Variants in KIRREL3 observed in about 807,000 individuals in gnomAD.
KIRREL3 encodes the protein kirre like nephrin family adhesion molecule 3.
Under a neutral mutation model 89.7 loss-of-function variants are expected in KIRREL3, and 36 were observed. The ratio of observed to expected loss-of-function variants is 0.40; its 90% CI spans 0.31 to 0.53. The LOEUF (loss-of-function observed/expected upper bound fraction) is 0.53. Among genes scored for constraint, KIRREL3 ranks in the 20% least tolerant of loss-of-function variants. The probability of loss-of-function intolerance (pLI) is 0.49; values close to 1 mark genes in which losing one functional copy is unlikely to be tolerated. For missense variants in KIRREL3, 864 were observed against 1,056.6 expected (o/e 0.82, Z 2.53); for synonymous variants, 445 against 441.4 (o/e 1.01, Z -0.10).
At position 126,769,434 on chromosome 11, in the gene KIRREL3, G is replaced by A. The variant is rs1049501240; in HGVS notation, c.56-206522C>T. Among the ~76,000 whole-genome samples the A allele has an allele frequency of 6.6e-6, 1 of 152,150 alleles. No homozygotes were observed. Among genetic ancestry groups the A allele is most frequent in the Admixed American group, 6.5e-5 (1 of 15,278 alleles). Reference sequence around the variant, plus strand: ...AGTCAACATGAGACATTATTGGATAGATATTGCCATCAAGAAGAGGGGCCC... The same window carrying A: ...AGTCAACATGAGACATTATTGGATAAATATTGCCATCAAGAAGAGGGGCCC... On this transcript the variant is annotated intron_variant, in intron 1 of 16. Coordinates refer to ENST00000525144, the MANE Select transcript of KIRREL3 (RefSeq NM_032531.4). The surrounding 1 kb of genome is among the most constrained non-coding windows in gnomAD (Gnocchi z 4.3).
chr11:126,716,170 T>G (rs1947953941), intron 1 of KIRREL3, among the ~76,000 whole-genome samples: 2 of 147,908 alleles, frequency 1.4e-5, no homozygotes, highest in Non-Finnish European at 3.0e-5. Flanking sequence ...AAAGAAAGAG[T>G]AAGGTTAGAA....
At chr11:126,670,220 T>C (rs144965366) in intron 1 of KIRREL3, among the ~76,000 whole-genome samples, 36 of 152,276 alleles carry the variant, frequency 2.4e-4, no homozygotes, top group African/African-American at 4.6e-4. Context: ...GGCATAATGA[T>C]TTTAAAAAAT....
rs11600076 is a variant in KIRREL3 at position 126,522,168 on chromosome 11, T to C, written c.284-704A>G. Among the ~76,000 whole-genome samples, 41,733 of 151,928 alleles carry C rather than the reference T, an allele frequency of 0.27. 6,957 individuals carry two copies. The highest frequency in any genetic ancestry group is 0.46 in the African/African-American group (19,082 of 41,420). On this transcript the variant is annotated intron_variant, in intron 3 of 16. Transcript: ENST00000525144. The surrounding 1 kb of genome is among the most constrained non-coding windows in gnomAD (Gnocchi z 6.0). The stretch of plus-strand genomic sequence containing the variant: ...ACCGCTGGCTTATTATTCTGGAAAG[T>C]GGTGTGCTCAGCACTGTGGTCTACC...
chr11:126,856,476 T>C (rs924917153), intron 1 of KIRREL3, among the ~76,000 whole-genome samples: 1 of 151,212 alleles, frequency 6.6e-6, no homozygotes, highest in African/African-American at 2.4e-5. Context: ...AAAATTAAAA[T>C]GAAAAATAAC....
chr11:126,692,962 T>C (rs533224694), intron 1 of KIRREL3, among the ~76,000 whole-genome samples: 3 of 152,336 alleles, frequency 2.0e-5, no homozygotes, highest in African/African-American at 7.2e-5. Flanking sequence ...GCCCATAGCC[T>C]GTGGTGGAAG....
rs928850121 is a variant in KIRREL3 at position 126,485,267 on chromosome 11, G to A, written c.434-11801C>T. Among the ~76,000 whole-genome samples, 5 of 152,238 alleles carry A rather than the reference G, an allele frequency of 3.3e-5. No individual in the cohort carries two copies. The highest frequency in any genetic ancestry group is 1.2e-4 in the African/African-American group (5 of 41,458). On this transcript the variant is annotated intron_variant, in intron 4 of 16. Coordinates refer to ENST00000525144, the MANE Select transcript of KIRREL3 (RefSeq NM_032531.4). This position sits in a 1 kb window ranked among gnomAD's most constrained non-coding sequence, Gnocchi z 5.8. The stretch of plus-strand genomic sequence containing the variant: ...ATGATGGCATGTAGCTCAGAGGAAG[G>A]TGTGCTGGAGGCTGTTTCAGTTCTG...
At chr11:126,436,717 C>T (rs887501268) in intron 12 of KIRREL3, 94 bp downstream of exon 12, 6 of 1,365,070 alleles carry the variant, frequency 4.4e-6, no homozygotes, top group Middle Eastern at 2.5e-4. Flanking sequence ...TGGGCCCTGG[C>T]CCACCTTGCA....
In KIRREL3 at chr11:126,613,933, C is replaced by A. The variant is rs569038418; in HGVS notation, c.56-51021G>T. 4.7e-5 allele frequency among the ~76,000 whole-genome samples: 6 copies of A among 127,542 alleles called. No homozygotes were observed. The East Asian group carries it at 1.0e-3, about 22-fold the overall frequency. 83.7% of individuals were successfully genotyped at this position (127,542 alleles called of 152,430 possible). The stretch of plus-strand genomic sequence containing the variant: ...AGCCTTTATCTAGCAGGGGAGTGAA[C>A]CTGAAGGTCTGATTTCTAAACAGGC... On this transcript the variant is annotated intron_variant, in intron 1 of 16. Coordinates refer to ENST00000525144, the MANE Select transcript of KIRREL3 (RefSeq NM_032531.4).
chr11:126,860,247 A>T lies in KIRREL3; in HGVS notation c.55+140208T>A, dbSNP rs1262102214. Among the ~76,000 whole-genome samples, 1 of 152,208 alleles carries T rather than the reference A, an allele frequency of 6.6e-6. No individual in the cohort carries two copies. The highest frequency in any genetic ancestry group is 1.5e-5 in the Non-Finnish European group (1 of 68,034). ...TAAAAGATAAGTTCTCCAACACCACACTGTGAGCTCCCAGAGGGTAGGAAC... is the reference window on the plus strand; with the variant it reads ...TAAAAGATAAGTTCTCCAACACCACTCTGTGAGCTCCCAGAGGGTAGGAAC... On this transcript the variant is annotated intron_variant, in intron 1 of 16. Transcript: ENST00000525144. The surrounding 1 kb of genome is among the most constrained non-coding windows in gnomAD (Gnocchi z 4.6).
At chr11:126,637,999 G>A (rs1161997419) in intron 1 of KIRREL3, among the ~76,000 whole-genome samples, 1 of 152,206 alleles carries the variant, frequency 6.6e-6, no homozygotes, top group African/African-American at 2.4e-5. Flanking sequence ...ATTGAGGAAT[G>A]GAGAGAATTT....
rs575708052 is a variant in KIRREL3, at chr11:126,504,978, C to G, written c.433+16337G>C. Among the ~76,000 whole-genome samples the G allele has an allele frequency of 2.5e-3, 382 of 152,292 alleles. 2 individuals are homozygous for G. The highest frequency in any genetic ancestry group is 4.7e-3 in the Non-Finnish European group (321 of 68,014). On this transcript the variant is annotated intron_variant, in intron 4 of 16. Transcript: ENST00000525144. ...CACGATGTGTAGTAAAAACTCTCAA[C>G]AAAGTAGGAACAGATGAAAACTTCC...
At chr11:126,448,511 G>C (rs1029956368) in intron 8 of KIRREL3, among the ~76,000 whole-genome samples, 1 of 152,144 alleles carries the variant, frequency 6.6e-6, no homozygotes, top group African/African-American at 2.4e-5. Flanking sequence ...CGTCAACCCT[G>C]CAATTCGTAA....
rs571301530 is a variant in KIRREL3 at position 126,929,073 on chromosome 11, C to T, written c.55+71382G>A. Among the ~76,000 whole-genome samples, 28 of 152,272 alleles carry T rather than the reference C, an allele frequency of 1.8e-4. No individual in the cohort carries two copies. In the South Asian group the frequency reaches 5.0e-3, roughly 27 times the overall value. ...ATACCCCTTAGGAGCTTTTCAAGGA[C>T]GTCGGCAGGGAGCTGGGTTTACAGA... is the stretch of plus-strand genomic sequence containing the variant. On this transcript the variant is annotated intron_variant, in intron 1 of 16. Transcript: ENST00000525144.
In KIRREL3 at chr11:126,686,944, T is replaced by C. The variant is rs1946687220; in HGVS notation, c.56-124032A>G. On this transcript the variant is annotated intron_variant, in intron 1 of 16. Coordinates refer to ENST00000525144, the MANE Select transcript of KIRREL3 (RefSeq NM_032531.4). This position sits in a 1 kb window ranked among gnomAD's most constrained non-coding sequence, Gnocchi z 4.7. ...TGATAAGAGGGGAAGGAAGGTCACA[T>C]TGAGAAGAGTCAAATTCAGAAGGCC... Among the ~76,000 whole-genome samples the C allele has an allele frequency of 6.6e-6, 1 of 152,124 alleles. No individual in the cohort carries two copies. Among genetic ancestry groups the C allele is most frequent in the African/African-American group, 2.4e-5 (1 of 41,424 alleles).
At chr11:126,665,507 G>C (rs1176284578) in intron 1 of KIRREL3, among the ~76,000 whole-genome samples, 1 of 152,162 alleles carries the variant, frequency 6.6e-6, no homozygotes, top group African/African-American at 2.4e-5. Flanking sequence ...ATTAGGGCAT[G>C]AGGGTGGAGC....
At position 126,821,351 on chromosome 11, in the gene KIRREL3, A is replaced by ATATATATATATATGTGTG. The variant is rs756545626; in HGVS notation, c.55+179103_55+179104insCACACATATATATATATA. Among the ~76,000 whole-genome samples, 14 of 105,270 alleles carry ATATATATATATATGTGTG rather than the reference A, an allele frequency of 1.3e-4. 1 individual carries two copies. Among genetic ancestry groups the ATATATATATATATGTGTG allele is most frequent in the Admixed American group, 1.1e-3 (12 of 10,776 alleles). 69.1% of individuals were successfully genotyped at this position (105,270 alleles called of 152,430 possible). A position where few individuals can be genotyped will look rare whatever the true frequency, so the allele number is the denominator to read the frequency against. On this transcript the variant is annotated intron_variant, in intron 1 of 16. Transcript: ENST00000525144. ...ACAGTATATATATATATATATATAT[A>ATATATATATATATGTGTG]TGTAACTTCCAACCAACATCCCTTC...
chr11:126,938,992 A>T (rs1291738978), intron 1 of KIRREL3, among the ~76,000 whole-genome samples: 1 of 152,174 alleles, frequency 6.6e-6, no homozygotes, highest in Admixed American at 6.5e-5. Flanking sequence ...CCTGCCAGGG[A>T]AAAAGCTTCA....
intron 1 of KIRREL3, among the ~76,000 whole-genome samples, chr11:126,815,145 C>A (rs1022311026): frequency 4.6e-5 from 7 of 152,142 alleles, no homozygotes; most frequent in African/African-American, 9.7e-5. Flanking sequence ...ACCTGGCTTG[C>A]AGTTTTGTCT....
Position 126,872,988 on chromosome 11 carries a change from G to C in KIRREL3, c.55+127467C>G, listed in dbSNP as rs903346267. On this transcript the variant is annotated intron_variant, in intron 1 of 16. Transcript: ENST00000525144. This position sits in a 1 kb window ranked among gnomAD's most constrained non-coding sequence, Gnocchi z 4.2. ...ATTAAAGCAGCCTGCTCCCTCAATGGTTATACATTCTGGCACAGAAATTAA... is the reference window on the plus strand; with the variant it reads ...ATTAAAGCAGCCTGCTCCCTCAATGCTTATACATTCTGGCACAGAAATTAA... Among the ~76,000 whole-genome samples the C allele has an allele frequency of 3.9e-5, 6 of 152,062 alleles. No homozygotes were observed. The highest frequency in any genetic ancestry group is 5.9e-5 in the Non-Finnish European group (4 of 68,026).
Sources: allele counts gnomAD v4.1 joint callset (sites outside exome capture counted in the v4.1 genomes callset), GRCh38; gene constraint gnomAD v4.1.1; non-coding constraint Gnocchi (gnomAD v3.1); transcripts MANE v1.5; gene names NCBI Gene and HGNC (gene_info 2026-07-23, HGNC 2026-07-21).